The following UBE2D2 variants were observed in gnomAD, a reference collection of about 807,000 sequenced individuals.
UBE2D2 encodes the protein ubiquitin conjugating enzyme E2 D2, also known as ubiquitin-conjugating enzyme E2 D2.
A neutral mutation model predicts 24.2 loss-of-function variants in UBE2D2; 2 were observed. The ratio of observed to expected loss-of-function variants is 0.08; its 90% CI spans 0.03 to 0.26. The LOEUF (loss-of-function observed/expected upper bound fraction) is 0.26. Ranked by LOEUF, UBE2D2 falls within the 10% of genes least tolerant of loss-of-function variation. The pLI is 1.00. For synonymous variants in UBE2D2, 58 were observed against 56.5 expected (o/e 1.03, Z -0.12); for missense variants, 44 against 177.6 (o/e 0.25, Z 4.28).
At chr5:139,527,005 G>A (rs565897395) in intron 1 of UBE2D2, among the ~76,000 whole-genome samples, 86 of 152,082 alleles carry the variant, frequency 5.7e-4, no homozygotes, top group Non-Finnish European at 9.7e-4. Context: ...ATTTTGTCTC[G>A]GAAGAAAAAA....
At chr5:139,625,439 C>CTT (rs1754602558) in intron 6 of UBE2D2, among the ~76,000 whole-genome samples, 2 of 23,998 alleles carry the variant, frequency 8.3e-5, no homozygotes, top group African/African-American at 2.5e-4. Context: ...CACCCCCCCC[C>CTT]CTTTTTTTTT....
At position 139,533,195 on chromosome 5, in the gene UBE2D2, G is replaced by A. The variant is rs181702759; in HGVS notation, c.-64+6583G>A. 1.6e-4 allele frequency among the ~76,000 whole-genome samples: 24 copies of A among 151,606 alleles called. 1 individual carries two copies. Among genetic ancestry groups the A allele is most frequent in the Admixed American group, 5.2e-4 (8 of 15,258 alleles). The stretch of plus-strand genomic sequence containing the variant: ...TACATACACATACACACTTTTTTTG[G>A]TGTGTGAGAGATGGAGTCTCACTCT... On this transcript the variant is annotated intron_variant, in intron 1 of 6. Coordinates refer to the UBE2D2 transcript ENST00000511725.
intron 1 of UBE2D2, among the ~76,000 whole-genome samples, chr5:139,570,701 T>TG (rs754135331): frequency 6.6e-6 from 1 of 152,058 alleles, no homozygotes; most frequent in African/African-American, 2.4e-5. Flanking sequence ...TTAGTAGAGA[T>TG]GGGGTCTCAC....
chr5:139,618,679 AT>A, intron 5 of UBE2D2, among the ~76,000 whole-genome samples: 1 of 151,916 alleles, frequency 6.6e-6, no homozygotes, highest in East Asian at 1.9e-4. Context: ...CCTAGCGTTG[AT>A]TTTTTTTCAG....
At chr5:139,533,786 C>T (rs949653378) in intron 1 of UBE2D2, among the ~76,000 whole-genome samples, 6 of 145,236 alleles carry the variant, frequency 4.1e-5, no homozygotes, top group African/African-American at 1.3e-4. Context: ...TAAAAAACAT[C>T]TTTTTTTTTT....
chr5:139,607,804 T>G (rs1754229406), intron 2 of UBE2D2, among the ~76,000 whole-genome samples: 1 of 152,060 alleles, frequency 6.6e-6, no homozygotes, highest in East Asian at 1.9e-4. Context: ...GCCAAGAGTT[T>G]GAGACCAGCT....
At chr5:139,573,929 C>T (rs1753406733) in intron 1 of UBE2D2, among the ~76,000 whole-genome samples, 1 of 151,928 alleles carries the variant, frequency 6.6e-6, no homozygotes, top group African/African-American at 2.4e-5. Flanking sequence ...TGAGATCACG[C>T]CACTGCGCTC....
At chr5:139,559,240 C>G (rs939658414), upstream of UBE2D2, among the ~76,000 whole-genome samples, 2 of 151,938 alleles carry the variant, frequency 1.3e-5, no homozygotes, top group Non-Finnish European at 2.9e-5. Flanking sequence ...TCCTGGATAA[C>G]AAGGTGAAAT....
At chr5:139,606,810 A>G (rs541293410) in intron 2 of UBE2D2, among the ~76,000 whole-genome samples, 1 of 151,952 alleles carries the variant, frequency 6.6e-6, no homozygotes, top group Non-Finnish European at 1.5e-5. Context: ...TTCTTGAGCT[A>G]TTTCTCTTTT....
chr5:139,538,624 A>G (rs542711726), intron 1 of UBE2D2, among the ~76,000 whole-genome samples: 29 of 152,226 alleles, frequency 1.9e-4, no homozygotes, highest in Non-Finnish European at 2.5e-4. Context: ...TAATCCCAGC[A>G]CTTTGGGAGG....
chr5:139,581,294 A>G (rs912968326), intron 1 of UBE2D2, among the ~76,000 whole-genome samples: 1 of 152,060 alleles, frequency 6.6e-6, no homozygotes, highest in Non-Finnish European at 1.5e-5. Flanking sequence ...TAAAAATAAC[A>G]AAAAATTAGC....
rs1754147465 is a variant in UBE2D2 at position 139,604,252 on chromosome 5, T to C, written c.88+3817T>C. On this transcript the variant is annotated intron_variant, in intron 2 of 6. Transcript: ENST00000398733. ...GCCTCGTGGGTTCAAGCAGTTCTCCTGCCTCAGCCTCCCGAGTAGCTGATT... is the reference window on the plus strand; with the variant it reads ...GCCTCGTGGGTTCAAGCAGTTCTCCCGCCTCAGCCTCCCGAGTAGCTGATT... 2.0e-5 allele frequency among the ~76,000 whole-genome samples: 3 copies of C among 151,578 alleles called. No homozygotes were observed. In the Admixed American group the frequency reaches 2.0e-4, roughly 10 times the overall value.
intron 2 of UBE2D2, among the ~76,000 whole-genome samples, chr5:139,610,887 A>G (rs1050896158): frequency 2.6e-5 from 4 of 152,132 alleles, no homozygotes; most frequent in Non-Finnish European, 2.9e-5. Context: ...GTGTACAAGC[A>G]GTGGCAGCAT....
At chr5:139,608,774 A>G (rs748820416) in intron 2 of UBE2D2, among the ~76,000 whole-genome samples, 1 of 152,164 alleles carries the variant, frequency 6.6e-6, no homozygotes, top group Non-Finnish European at 1.5e-5. Flanking sequence ...ACAAAAAAGG[A>G]AATATTTAGC....
chr5:139,544,330 C>G (rs944368537), intron 1 of UBE2D2, among the ~76,000 whole-genome samples: 5 of 150,682 alleles, frequency 3.3e-5, no homozygotes, highest in African/African-American at 1.2e-4. Flanking sequence ...TCTTGTCGCA[C>G]AGGCTGGAGT....
chr5:139,615,068 A>G (rs1269033364), intron 5 of UBE2D2, 102 bp downstream of exon 5: 12 of 1,150,794 alleles, frequency 1.0e-5, no homozygotes, highest in East Asian at 2.5e-5. Flanking sequence ...TTAAGAAGAG[A>G]TAGCAATTCT....
chr5:139,537,076 G>A (rs551903533), intron 1 of UBE2D2, among the ~76,000 whole-genome samples: 5 of 151,774 alleles, frequency 3.3e-5, no homozygotes, highest in Admixed American at 1.3e-4. Context: ...CCAGCTACTC[G>A]GGAGGCTGAG....
chr5:139,541,599 CAAA>C (rs892398676), intron 1 of UBE2D2, among the ~76,000 whole-genome samples: 3 of 58,434 alleles, frequency 5.1e-5, no homozygotes, highest in Admixed American at 4.2e-4. Context: ...GACTCCATTT[CAAA>C]AAAAAAAAAA....
chr5:139,626,130 G>A (rs1441406897), intron 6 of UBE2D2, among the ~76,000 whole-genome samples: 1 of 150,118 alleles, frequency 6.7e-6, no homozygotes, highest in Non-Finnish European at 1.5e-5. Context: ...GTACAGTATT[G>A]CAATCTCAGC....
Sources: allele counts gnomAD v4.1 joint callset (sites outside exome capture counted in the v4.1 genomes callset), GRCh38; gene constraint gnomAD v4.1.1; transcripts MANE v1.5; gene names NCBI Gene and HGNC (gene_info 2026-07-23, HGNC 2026-07-21).